Variants in CDK14 observed in about 807,000 individuals in gnomAD.
CDK14 encodes the protein cyclin dependent kinase 14, also known as cyclin-dependent kinase 14.
Under a neutral mutation model 60.7 loss-of-function variants are expected in CDK14, and 34 were observed. The ratio of observed to expected loss-of-function variants is 0.56; its 90% CI spans 0.43 to 0.75. The LOEUF (loss-of-function observed/expected upper bound fraction) is 0.75. Ranked by LOEUF, CDK14 falls within the 30% of genes least tolerant of loss-of-function variation. The pLI, the probability that CDK14 is intolerant of heterozygous loss-of-function variation, is 0.00. For missense variants in CDK14, 482 were observed against 564.1 expected (o/e 0.85, Z 1.47); for synonymous variants, 197 against 203.7 (o/e 0.97, Z 0.28).
intron 8 of CDK14, among the ~76,000 whole-genome samples, chr7:90,938,334 G>T (rs1345106723): frequency 6.6e-6 from 1 of 152,164 alleles, no homozygotes; most frequent in Non-Finnish European, 1.5e-5. Flanking sequence ...CAGCCCTTGG[G>T]CTAATTTAGC....
intron 14 of CDK14, among the ~76,000 whole-genome samples, chr7:91,206,958 G>C (rs1237643313): frequency 2.0e-5 from 3 of 152,158 alleles, no homozygotes; most frequent in Non-Finnish European, 4.4e-5. Context: ...AGAGAGGAAA[G>C]TGTAGTCAGA....
chr7:90,910,604 G>C (rs1226195022), intron 7 of CDK14, among the ~76,000 whole-genome samples: 1 of 152,024 alleles, frequency 6.6e-6, no homozygotes, highest in Non-Finnish European at 1.5e-5. Context: ...ATATTTTGTA[G>C]CTTTAGGTTC....
chr7:90,945,908 C>T (rs773200620), intron 8 of CDK14, among the ~76,000 whole-genome samples: 31 of 152,266 alleles, frequency 2.0e-4, no homozygotes, highest in Non-Finnish European at 3.2e-4. Flanking sequence ...TTACATACTA[C>T]ATCAAACTGT....
chr7:90,644,089 C>A (rs1406640885), intron 2 of CDK14, among the ~76,000 whole-genome samples: 1 of 152,196 alleles, frequency 6.6e-6, no homozygotes, highest in Non-Finnish European at 1.5e-5. Flanking sequence ...ACAGAGAACT[C>A]TCTCTCCCTC....
intron 10 of CDK14, among the ~76,000 whole-genome samples, chr7:91,045,199 A>G (rs917591974): frequency 1.3e-5 from 2 of 152,204 alleles, no homozygotes; most frequent in Non-Finnish European, 2.9e-5. Flanking sequence ...GCCATAGATC[A>G]TGGAACAGAA....
chr7:90,950,634 G>A (rs967670759), intron 8 of CDK14, among the ~76,000 whole-genome samples: 3 of 152,310 alleles, frequency 2.0e-5, no homozygotes, highest in East Asian at 1.9e-4. Flanking sequence ...AGCTGGAGAC[G>A]CTAGAGGATG....
chr7:90,988,914 T>G (rs1480275808), intron 10 of CDK14, among the ~76,000 whole-genome samples: 5 of 152,182 alleles, frequency 3.3e-5, no homozygotes, highest in African/African-American at 4.8e-5. Context: ...GTTGTTAAAC[T>G]ATTGTGCATT....
intron 14 of CDK14, among the ~76,000 whole-genome samples, chr7:91,168,281 A>T (rs949007031): frequency 6.6e-6 from 1 of 150,464 alleles, no homozygotes; most frequent in Non-Finnish European, 1.5e-5. Context: ...AAAAAAGATA[A>T]TTGGGCCACT....
At chr7:90,892,275 C>T (rs1029404158) in intron 6 of CDK14, among the ~76,000 whole-genome samples, 4 of 152,112 alleles carry the variant, frequency 2.6e-5, no homozygotes, top group African/African-American at 9.7e-5. Context: ...GCCTCTCTGT[C>T]CTCCTCTTTT....
chr7:90,663,909 GT>G (rs896984068), intron 2 of CDK14, among the ~76,000 whole-genome samples: 5 of 149,480 alleles, frequency 3.3e-5, no homozygotes, highest in African/African-American at 9.8e-5. Context: ...CCAAATTGTT[GT>G]TTTTTTTTCT....
intron 6 of CDK14, among the ~76,000 whole-genome samples, chr7:90,884,738 T>C (rs1457362231): frequency 6.6e-6 from 1 of 152,078 alleles, no homozygotes; most frequent in Admixed American, 6.5e-5. Flanking sequence ...AAAACAGACA[T>C]ATAGATCAAT....
intron 2 of CDK14, among the ~76,000 whole-genome samples, chr7:90,713,765 C>T (rs923458017): frequency 4.6e-5 from 7 of 151,718 alleles, no homozygotes; most frequent in Admixed American, 4.6e-4. Context: ...ATACAGTGGT[C>T]AAGAGCTTGT....
At chr7:90,732,705 A>T (rs1802919442) in intron 3 of CDK14, among the ~76,000 whole-genome samples, 2 of 152,012 alleles carry the variant, frequency 1.3e-5, no homozygotes, top group Non-Finnish European at 1.5e-5. Flanking sequence ...ATCATTTTTT[A>T]CTGTGTCTAT....
intron 9 of CDK14, among the ~76,000 whole-genome samples, chr7:90,968,562 A>G (rs1021502701): frequency 2.6e-5 from 4 of 152,110 alleles, no homozygotes; most frequent in African/African-American, 9.7e-5. Flanking sequence ...TTGAATTTTC[A>G]GTTGAGCTTG....
In CDK14 at chr7:90,730,137, A is replaced by G. The variant is rs537070365; in HGVS notation, c.369+3325A>G. Among the ~76,000 whole-genome samples, 5 of 152,274 alleles carry G rather than the reference A, an allele frequency of 3.3e-5. No individual in the cohort carries two copies. The East Asian group carries it at 9.6e-4, about 29-fold the overall frequency. On this transcript the variant is annotated intron_variant, in intron 3 of 14. Transcript: ENST00000380050. The stretch of plus-strand genomic sequence containing the variant: ...TTTCTGTTCTTCTCTTAGTTTGCTG[A>G]GAATGATGGTTTCCAGCTTCATCCA...
chr7:90,601,147 T>G (rs1799306526), intron 1 of CDK14, among the ~76,000 whole-genome samples: 1 of 152,278 alleles, frequency 6.6e-6, no homozygotes, highest in Non-Finnish European at 1.5e-5. Context: ...GAATATCTGC[T>G]GATCTTAAAT....
intron 14 of CDK14, among the ~76,000 whole-genome samples, chr7:91,126,631 C>A (rs1799955901): frequency 6.6e-6 from 1 of 152,082 alleles, no homozygotes; most frequent in African/African-American, 2.4e-5. Flanking sequence ...TCTTTAGAAA[C>A]TGGCACATCT....
chr7:90,609,332 G>A (rs1458435322), intron 2 of CDK14, among the ~76,000 whole-genome samples: 1 of 152,056 alleles, frequency 6.6e-6, no homozygotes. Context: ...GCCATGCAGT[G>A]ATTTTTATGA....
intron 6 of CDK14, among the ~76,000 whole-genome samples, chr7:90,868,407 C>T (rs1225775502): frequency 1.3e-5 from 2 of 151,664 alleles, no homozygotes; most frequent in African/African-American, 4.8e-5. Flanking sequence ...TGGGTGCATG[C>T]ATATGTCCAA....
Sources: allele counts gnomAD v4.1 joint callset (sites outside exome capture counted in the v4.1 genomes callset), GRCh38; gene constraint gnomAD v4.1.1; transcripts MANE v1.5; gene names NCBI Gene and HGNC (gene_info 2026-07-23, HGNC 2026-07-21).